SLIT1: variants seen among roughly 807,000 people sequenced by gnomAD.
The protein encoded by SLIT1 is slit homolog 1 protein.
SLIT1 carries 66 observed loss-of-function variants against 186.1 expected under a neutral mutation model. The observed-to-expected ratio is 0.35, with a 90% CI of 0.29 to 0.44. SLIT1 has a LOEUF of 0.44. Ranked by LOEUF, SLIT1 falls within the 20% of genes least tolerant of loss-of-function variation. SLIT1 has a pLI of 1.00. For synonymous variants in SLIT1, 761 were observed against 833.8 expected (o/e 0.91, Z 1.50); for missense variants, 1,638 against 2,037.4 (o/e 0.80, Z 3.77).
intron 12 of SLIT1, 45 bp from the exon 13 acceptor site, chr10:97,056,509 C>G (rs375436642): frequency 1.9e-6 from 3 of 1,604,482 alleles, no homozygotes; most frequent in African/African-American, 1.3e-5. Flanking sequence ...GAGGCTCGAC[C>G]TGAGACCCAT....
At chr10:97,060,066 G>A in intron 10 of SLIT1, 21 bp downstream of exon 10, 1 of 1,598,468 alleles carries the variant, frequency 6.3e-7, no homozygotes, top group Non-Finnish European at 8.6e-7. Context: ...AGCTCCCCAG[G>A]AAGCAGTGGG....
In SLIT1 at chr10:97,106,407, C is replaced by CGAAT. The variant is rs756204123; in HGVS notation, c.414-40325_414-40322dup. On this transcript the variant is annotated intron_variant, in intron 4 of 36. Transcript: ENST00000266058. Reference sequence around the variant, plus strand: ...CAGAGAGAATGAATGAATGAATGAACGAATGAATGAATGAATGAATGAAGC... The same window carrying CGAAT: ...CAGAGAGAATGAATGAATGAATGAACGAATGAATGAATGAATGAATGAATGAAGC... Among the ~76,000 whole-genome samples the CGAAT allele has an allele frequency of 3.8e-3, 285 of 74,136 alleles. 2 individuals are homozygous for CGAAT. Among genetic ancestry groups the CGAAT allele is most frequent in the African/African-American group, 7.8e-3 (229 of 29,244 alleles). The allele number at this position is 74,136 out of a possible 152,430, so 48.6% of individuals were successfully genotyped here.
At chr10:97,060,228 C>A in intron 9 of SLIT1, 70 bp from the exon 10 acceptor site, 1 of 1,239,100 alleles carries the variant, frequency 8.1e-7, no homozygotes, top group Non-Finnish European at 1.2e-6. Flanking sequence ...ATCTGCTGGG[C>A]TCACCTGCCC....
intron 1 of SLIT1, among the ~76,000 whole-genome samples, chr10:97,172,219 C>G (rs370530588): frequency 6.6e-6 from 1 of 151,898 alleles, no homozygotes; most frequent in Admixed American, 6.6e-5. Context: ...AATTTTTTTG[C>G]ATTTTTAGTA....
At chr10:97,162,624 A>G (rs887582084) in intron 3 of SLIT1, among the ~76,000 whole-genome samples, 1 of 152,184 alleles carries the variant, frequency 6.6e-6, no homozygotes, top group Admixed American at 6.5e-5. Context: ...AAAATAAATA[A>G]ATAATAAAGT....
At chr10:97,087,923 C>T (rs1257340084) in intron 4 of SLIT1, among the ~76,000 whole-genome samples, 1 of 152,136 alleles carries the variant, frequency 6.6e-6, no homozygotes, top group East Asian at 1.9e-4. Context: ...AGAAAATGTG[C>T]TGTACCAGCA....
intron 2 of SLIT1, 27 bp from the exon 3 acceptor site, chr10:97,163,478 C>T: frequency 6.2e-7 from 1 of 1,607,770 alleles, no homozygotes; most frequent in Non-Finnish European, 8.5e-7. Flanking sequence ...ACAAGGACAG[C>T]TACAGGGTGT....
At chr10:97,083,212 G>A (rs1373988160) in intron 4 of SLIT1, among the ~76,000 whole-genome samples, 19 of 152,194 alleles carry the variant, frequency 1.2e-4, no homozygotes. Context: ...TGGGATTACA[G>A]GCATGAGATA....
intron 4 of SLIT1, among the ~76,000 whole-genome samples, chr10:97,095,504 G>A (rs1440426437): frequency 6.6e-6 from 1 of 152,126 alleles, no homozygotes; most frequent in East Asian, 1.9e-4. Context: ...GGACAAGCGG[G>A]GAGAAGCTAG....
intron 10 of SLIT1, 144 bp downstream of exon 10, chr10:97,059,943 C>T (rs1308568774): frequency 2.7e-6 from 2 of 742,570 alleles, no homozygotes; most frequent in Admixed American, 1.8e-5. Flanking sequence ...AGCCAAGCAG[C>T]CTGAAGGGCA....
intron 21 of SLIT1, among the ~76,000 whole-genome samples, chr10:97,039,786 G>A (rs970257527): frequency 1.3e-5 from 2 of 152,204 alleles, no homozygotes; most frequent in African/African-American, 4.8e-5. Context: ...TCAGGTGACC[G>A]CAGAGGGAGA....
intron 4 of SLIT1, among the ~76,000 whole-genome samples, chr10:97,127,372 T>C (rs1300653440): frequency 6.6e-6 from 1 of 152,192 alleles, no homozygotes; most frequent in Non-Finnish European, 1.5e-5. Context: ...AGCCAAGCCT[T>C]ATAGCTTAAA....
chr10:97,172,667 G>A (rs930702312), intron 1 of SLIT1, among the ~76,000 whole-genome samples: 7 of 152,170 alleles, frequency 4.6e-5, no homozygotes, highest in Non-Finnish European at 8.8e-5. Flanking sequence ...TATAATCCCA[G>A]TGCTTTGGGA....
chr10:97,013,871 G>T, intron 29 of SLIT1, 37 bp from the exon 30 acceptor site: 3 of 1,524,958 alleles, frequency 2.0e-6, no homozygotes, highest in Non-Finnish European at 1.8e-6. Flanking sequence ...GAGAGAAGCT[G>T]CTCTCCTGTG....
chr10:97,121,119 CCCAGTTT>C (rs1849556792), intron 4 of SLIT1, among the ~76,000 whole-genome samples: 1 of 152,152 alleles, frequency 6.6e-6, no homozygotes, highest in African/African-American at 2.4e-5. Flanking sequence ...TTCATTGCTC[CCCAGTTT>C]CCTTTGGCTT....
chr10:97,004,711 G>C lies in SLIT1; in HGVS notation c.3692C>G (p.Pro1231Arg). ...VRVSYDPGSY[P>R]SSAIYSAETI... ...GCCCTACCTGTAGATGGCAGAGCTG[G>C]GGTAGCTGCCTGGGTCGTAGCTGAC... The change falls in exon 33 of 37, where the codon CCC (proline) becomes CGC (arginine). Residue 1231 changes from proline to arginine, a missense_variant. This residue lies in a region of SLIT1 where 173 missense variants were observed against 290.9 expected (regional missense o/e 0.59). Coordinates refer to ENST00000266058, the MANE Select transcript of SLIT1 (RefSeq NM_003061.3). This position sits in a 1 kb window ranked among gnomAD's most constrained non-coding sequence, Gnocchi z 5.1. 6.2e-7 allele frequency: 1 copy of C among 1,614,096 alleles called. No individual in the cohort carries two copies. The highest frequency in any genetic ancestry group is 8.5e-7 in the Non-Finnish European group (1 of 1,180,004).
intron 4 of SLIT1, among the ~76,000 whole-genome samples, chr10:97,090,378 G>T (rs1295139911): frequency 6.6e-6 from 1 of 152,140 alleles, no homozygotes; most frequent in African/African-American, 2.4e-5. Context: ...CAGGCACAAA[G>T]GCCGTGAGGT....
intron 4 of SLIT1, among the ~76,000 whole-genome samples, chr10:97,150,830 G>A (rs918281217): frequency 6.6e-6 from 1 of 150,744 alleles, no homozygotes; most frequent in Non-Finnish European, 1.5e-5. Flanking sequence ...TGAAGACTGA[G>A]TTTTGCTGCT....
At chr10:97,056,644 T>A (rs1194467665) in intron 12 of SLIT1, among the ~76,000 whole-genome samples, 180 bp from the exon 13 acceptor site, 1 of 152,220 alleles carries the variant, frequency 6.6e-6, no homozygotes, top group Non-Finnish European at 1.5e-5. Flanking sequence ...GAACTCCGAC[T>A]GCCTCCTCCA....
Sources: allele counts gnomAD v4.1 joint callset (sites outside exome capture counted in the v4.1 genomes callset), GRCh38; gene constraint gnomAD v4.1.1; regional missense constraint gnomAD v4.1.1; non-coding constraint Gnocchi (gnomAD v3.1); transcripts MANE v1.5; gene names NCBI Gene and HGNC (gene_info 2026-07-23, HGNC 2026-07-21).